SEMA3A: variants seen among roughly 807,000 people sequenced by gnomAD.
The protein encoded by SEMA3A is semaphorin 3A.
Under a neutral mutation model 97.9 loss-of-function variants are expected in SEMA3A, and 29 were observed. The ratio of observed to expected loss-of-function variants is 0.30; its 90% CI spans 0.22 to 0.40. The LOEUF (loss-of-function observed/expected upper bound fraction) is 0.40, where lower values mean the gene tolerates loss of function less well. Among genes scored for constraint, SEMA3A ranks in the 10% least tolerant of loss-of-function variants. The probability of loss-of-function intolerance (pLI) is 1.00; values close to 1 mark genes in which losing one functional copy is unlikely to be tolerated. For synonymous variants in SEMA3A, 321 were observed against 323.7 expected (o/e 0.99, Z 0.09); for missense variants, 763 against 951.3 (o/e 0.80, Z 2.60).
chr7:84,202,592 A>G (rs989683664), intron 3 of SEMA3A, among the ~76,000 whole-genome samples: 12 of 152,206 alleles, frequency 7.9e-5, no homozygotes, highest in Admixed American at 7.9e-4. Context: ...AATCCAGCGC[A>G]CTTAATTTGT....
rs1321890915 is a variant in SEMA3A at position 83,957,602 on chromosome 7, TTCTC to T, written c.*3765_*3768del. On this transcript the variant is annotated 3_prime_UTR_variant, in exon 17 of 17. Transcript: ENST00000265362. The stretch of plus-strand genomic sequence containing the variant: ...TGGGCTGTCACATATGCTGATTTTA[TTCTC>T]TCTTTCATTTAGATATTTTCTTAAT... 2.6e-5 allele frequency: 4 copies of T among 152,134 alleles called. No homozygotes were observed. Among genetic ancestry groups the T allele is most frequent in the Non-Finnish European group, 4.4e-5 (3 of 67,980 alleles). 9.4% of individuals were successfully genotyped at this position (152,134 alleles called of 1,614,324 possible).
At chr7:84,295,844 T>C (rs183351308) in intron 3 of SEMA3A, among the ~76,000 whole-genome samples, 2 of 152,250 alleles carry the variant, frequency 1.3e-5, no homozygotes, top group East Asian at 3.9e-4. Flanking sequence ...TTGAGGGTAA[T>C]GATTGTAAAA....
At position 84,091,160 on chromosome 7, in the gene SEMA3A, G is replaced by GA. The variant is rs1156870525; in HGVS notation, c.453+19309dup. On this transcript the variant is annotated intron_variant, in intron 4 of 16. Transcript: ENST00000265362. ...AGAAGGAAGGAAGGAAGGAAGGAAGGAAGGAAGGAAAGAAAGAAAGAAAGA... is the reference window on the plus strand; with the variant it reads ...AGAAGGAAGGAAGGAAGGAAGGAAGGAAAGGAAGGAAAGAAAGAAAGAAAGA... Among the ~76,000 whole-genome samples the GA allele has an allele frequency of 7.6e-4, 25 of 32,906 alleles. 1 individual carries two copies. Among genetic ancestry groups the GA allele is most frequent in the East Asian group, 1.7e-3 (2 of 1,206 alleles). The allele number at this position is 32,906 out of a possible 152,430, so 21.6% of individuals were successfully genotyped here.
chr7:84,087,248 G>C (rs530846337), intron 4 of SEMA3A, among the ~76,000 whole-genome samples: 1 of 152,118 alleles, frequency 6.6e-6, no homozygotes, highest in Non-Finnish European at 1.5e-5. Context: ...TGATTCATTA[G>C]AAGTGTGATT....
At chr7:84,421,238 T>C (rs1352546830) in intron 1 of SEMA3A, among the ~76,000 whole-genome samples, 2 of 152,014 alleles carry the variant, frequency 1.3e-5, no homozygotes, top group African/African-American at 4.8e-5. Flanking sequence ...TTTATAGTGC[T>C]GAAAGAAGAA....
At chr7:83,983,961 T>A (rs945624288) in intron 13 of SEMA3A, among the ~76,000 whole-genome samples, 1 of 152,158 alleles carries the variant, frequency 6.6e-6, no homozygotes, top group African/African-American at 2.4e-5. Flanking sequence ...TTGAGTCATA[T>A]CTGAACGAAA....
chr7:84,275,661 A>G (rs1800274861), intron 3 of SEMA3A, among the ~76,000 whole-genome samples: 1 of 151,986 alleles, frequency 6.6e-6, no homozygotes, highest in Non-Finnish European at 1.5e-5. Context: ...CATTTTGAGT[A>G]CCAAGAATCC....
chr7:84,175,826 C>T (rs1562832320), intron 1 of SEMA3A, among the ~76,000 whole-genome samples: 1 of 151,956 alleles, frequency 6.6e-6, no homozygotes, highest in African/African-American at 2.4e-5. Context: ...CTATTAAAAG[C>T]TGGGTACGTG....
At chr7:84,136,960 A>AAGGAAGGAAGGAAGGAAGGAAG (rs1562805305) in intron 1 of SEMA3A, among the ~76,000 whole-genome samples, 37 of 141,212 alleles carry the variant, frequency 2.6e-4, no homozygotes, top group Middle Eastern at 3.4e-3. Context: ...GAGGGAGGGA[A>AAGGAAGGAAGGAAGGAAGGAAG]GAAGGAAGGA....
chr7:84,340,289 T>A (rs973935579), intron 2 of SEMA3A, among the ~76,000 whole-genome samples: 1 of 152,128 alleles, frequency 6.6e-6, no homozygotes, highest in Admixed American at 6.6e-5. Context: ...ATATCTCTAT[T>A]TCTTGATTGA....
chr7:84,252,962 A>T (rs1468010258), intron 3 of SEMA3A, among the ~76,000 whole-genome samples: 1 of 151,928 alleles, frequency 6.6e-6, no homozygotes, highest in Non-Finnish European at 1.5e-5. Flanking sequence ...CACTGCAACT[A>T]CCACCTCCTG....
At chr7:84,093,482 A>C (rs762692121) in intron 4 of SEMA3A, among the ~76,000 whole-genome samples, 1 of 152,180 alleles carries the variant, frequency 6.6e-6, no homozygotes, top group Non-Finnish European at 1.5e-5. Context: ...GCAAATATCC[A>C]AGAGAAGATC....
intron 3 of SEMA3A, among the ~76,000 whole-genome samples, chr7:84,207,176 G>T (rs891359543): frequency 1.3e-5 from 2 of 152,134 alleles, no homozygotes; most frequent in African/African-American, 2.4e-5. Flanking sequence ...AGGCTCTTAT[G>T]GCCTATTTCC....
intron 1 of SEMA3A, among the ~76,000 whole-genome samples, chr7:84,443,688 A>T (rs941098863): frequency 6.6e-6 from 1 of 152,116 alleles, no homozygotes; most frequent in Non-Finnish European, 1.5e-5. Context: ...CCTGCTAAAA[A>T]CTTTGGCTAA....
At chr7:84,035,021 A>G (rs1334436222) in intron 6 of SEMA3A, among the ~76,000 whole-genome samples, 1 of 152,122 alleles carries the variant, frequency 6.6e-6, no homozygotes, top group Non-Finnish European at 1.5e-5. Flanking sequence ...CTTTTCCCAT[A>G]AAATAACTAT....
chr7:84,056,668 G>T (rs575073213), intron 5 of SEMA3A, among the ~76,000 whole-genome samples: 2 of 151,802 alleles, frequency 1.3e-5, no homozygotes, highest in Non-Finnish European at 2.9e-5. Context: ...GCAATCCATG[G>T]ATGTAAGAAA....
intron 1 of SEMA3A, among the ~76,000 whole-genome samples, chr7:84,477,567 C>T: frequency 6.6e-6 from 1 of 151,864 alleles, no homozygotes; most frequent in Non-Finnish European, 1.5e-5. Context: ...GAAATTTACT[C>T]CCACTTATTT....
chr7:83,992,728 T>C (rs1296585350), intron 12 of SEMA3A, among the ~76,000 whole-genome samples: 3 of 152,016 alleles, frequency 2.0e-5, no homozygotes, highest in Non-Finnish European at 4.4e-5. Flanking sequence ...TGAGGAGAGC[T>C]TCCCTTCCAA....
intron 10 of SEMA3A, among the ~76,000 whole-genome samples, chr7:84,006,417 C>G (rs918047562): frequency 5.9e-5 from 9 of 151,540 alleles, no homozygotes; most frequent in Non-Finnish European, 1.0e-4. Context: ...GTTTAGCAAC[C>G]TGCACTGCAC....
Sources: allele counts gnomAD v4.1 joint callset (sites outside exome capture counted in the v4.1 genomes callset), GRCh38; gene constraint gnomAD v4.1.1; transcripts MANE v1.5; gene names NCBI Gene and HGNC (gene_info 2026-07-23, HGNC 2026-07-21).